Variants in EFHC2 observed in about 807,000 individuals in gnomAD.
EFHC2 encodes the protein EF-hand domain containing 2.
In EFHC2, 18 loss-of-function variants were observed where a neutral mutation model predicts 52.7. The ratio of observed to expected loss-of-function variants is 0.34; its 90% CI spans 0.24 to 0.51. EFHC2 has a LOEUF of 0.51. Among genes scored for constraint, EFHC2 ranks in the 20% least tolerant of loss-of-function variants. The pLI, the probability that EFHC2 is intolerant of heterozygous loss-of-function variation, is 0.97. For synonymous variants in EFHC2, 203 were observed against 204.1 expected, an observed-to-expected ratio of 0.99 and a Z score of 0.04; for missense variants, 513 against 562.5, an observed-to-expected ratio of 0.91 and a Z score of 0.89.
At chrX:44,305,581 C>T (rs769634687) in intron 2 of EFHC2, among the ~76,000 whole-genome samples, 3 of 112,443 alleles carry the variant, frequency 2.7e-5, no homozygotes, top group Non-Finnish European at 5.6e-5. Context: ...AATGTTGCAC[C>T]GAAGGCAAGT....
At chrX:44,307,456 A>C (rs2037914084) in intron 2 of EFHC2, among the ~76,000 whole-genome samples, 1 of 111,760 alleles carries the variant, frequency 8.9e-6, no homozygotes, top group Non-Finnish European at 1.9e-5. Flanking sequence ...AAAATGTATT[A>C]TATTACAGAG....
intron 11 of EFHC2, among the ~76,000 whole-genome samples, chrX:44,192,094 GTA>G (rs2036926522): frequency 9.3e-6 from 1 of 107,599 alleles, no homozygotes; most frequent in African/African-American, 3.5e-5. Flanking sequence ...GTGTGTGTGT[GTA>G]TAAAACCTGT....
intron 3 of EFHC2, among the ~76,000 whole-genome samples, chrX:44,268,794 A>G (rs893952410): frequency 8.9e-6 from 1 of 112,077 alleles, no homozygotes; most frequent in Admixed American, 9.5e-5. Context: ...AAACTGCCTT[A>G]TATGTTTTAA....
intron 1 of EFHC2, among the ~76,000 whole-genome samples, 198 bp from the exon 2 acceptor site, chrX:44,312,954 A>C (rs1251034063): frequency 3.6e-5 from 4 of 111,674 alleles, no homozygotes; most frequent in African/African-American, 1.3e-4. Context: ...TAATCAATTC[A>C]AAACATTGAA....
At chrX:44,254,986 A>G (rs148798426) in intron 4 of EFHC2, among the ~76,000 whole-genome samples, 2,804 of 111,948 alleles carry the variant, frequency 0.025, 94 homozygotes, top group African/African-American at 0.088. Flanking sequence ...CTTAAAGAAA[A>G]GAATTTTCAA....
intron 1 of EFHC2, among the ~76,000 whole-genome samples, chrX:44,343,090 T>C (rs1283922903): frequency 9.0e-6 from 1 of 110,524 alleles, no homozygotes; most frequent in Non-Finnish European, 1.9e-5. Flanking sequence ...GGGATAATGA[T>C]TAGGCTCCTG....
rs148325113 is a variant in EFHC2, at chrX:44,245,888, C to T, written c.1111+2384G>A. Among the ~76,000 whole-genome samples the T allele has an allele frequency of 1.3e-3, 141 of 111,603 alleles. 1 individual carries two copies. The highest frequency in any genetic ancestry group is 4.3e-3 in the African/African-American group (132 of 30,683). On this transcript the variant is annotated intron_variant, in intron 7 of 14. Coordinates refer to ENST00000420999, the MANE Select transcript of EFHC2 (RefSeq NM_025184.4). ...AGAAGGTACTAAAGCACCAAGGCGGCGTACTGCGTTAGAAATCTCCCGTGA... is the reference window on the plus strand; with the variant it reads ...AGAAGGTACTAAAGCACCAAGGCGGTGTACTGCGTTAGAAATCTCCCGTGA...
At chrX:44,235,542 A>C (rs777999354) in intron 8 of EFHC2, 95 bp from the exon 9 acceptor site, 87 of 866,468 alleles carry the variant, frequency 1.0e-4, no homozygotes, top group Non-Finnish European at 1.3e-4. Flanking sequence ...TATGGCTTTA[A>C]TATAGTAGGC....
At chrX:44,318,912 A>C (rs758028801) in intron 1 of EFHC2, among the ~76,000 whole-genome samples, 1 of 111,165 alleles carries the variant, frequency 9.0e-6, no homozygotes, top group South Asian at 3.9e-4. Context: ...CCCGAGGGAC[A>C]CAGGGACAAT....
intron 1 of EFHC2, among the ~76,000 whole-genome samples, chrX:44,315,211 C>A (rs1455541979): frequency 2.7e-5 from 3 of 111,109 alleles, no homozygotes; most frequent in Non-Finnish European, 5.7e-5. Flanking sequence ...TGCCTTCCAC[C>A]ATGATTGGAA....
chrX:44,232,784 C>A, intron 9 of EFHC2, 107 bp from the exon 10 acceptor site: 1 of 671,568 alleles, frequency 1.5e-6, no homozygotes, highest in Non-Finnish European at 2.1e-6. Context: ...TATAAGTTAC[C>A]TGTGAACTCA....
At chrX:44,177,634 TAAG>T (rs1404847433) in intron 12 of EFHC2, among the ~76,000 whole-genome samples, 1 of 112,226 alleles carries the variant, frequency 8.9e-6, no homozygotes, top group Non-Finnish European at 1.9e-5. Flanking sequence ...AATCAATGTA[TAAG>T]AAATAGCTTA....
chrX:44,311,486 C>A (rs996463951), intron 2 of EFHC2, among the ~76,000 whole-genome samples: 36 of 112,040 alleles, frequency 3.2e-4, no homozygotes, highest in African/African-American at 1.2e-3. Context: ...ATTACAGGAT[C>A]TAAAATAATC....
chrX:44,219,962 G>A (rs775561170), intron 11 of EFHC2, among the ~76,000 whole-genome samples: 2 of 111,426 alleles, frequency 1.8e-5, no homozygotes, highest in Non-Finnish European at 3.8e-5. Flanking sequence ...CTGAAAAACT[G>A]TTCCATAAGC....
In EFHC2 at chrX:44,255,249, A is replaced by G. The variant is rs150882633; in HGVS notation, c.607-4804T>C. ...AAAATAATCAGCTAGCATCATAATG[A>G]CAGGATCAAATTCACACATAACAAT... On this transcript the variant is annotated intron_variant, in intron 4 of 14. Transcript: ENST00000420999. Among the ~76,000 whole-genome samples the G allele has an allele frequency of 8.0e-3, 892 of 112,009 alleles. 16 individuals carry two copies. The highest frequency in any genetic ancestry group is 0.026 in the African/African-American group (796 of 30,804).
Position 44,237,136 on chromosome X carries a change from T to C in EFHC2, c.1281-1689A>G, listed in dbSNP as rs890884433. On this transcript the variant is annotated intron_variant, in intron 8 of 14. Coordinates refer to ENST00000420999, the MANE Select transcript of EFHC2 (RefSeq NM_025184.4). ...TATATATAAAAGTCACCTGGGGAGC[T>C]TGTTAAATATATAGAATCCAGAGTC... 2.7e-5 allele frequency among the ~76,000 whole-genome samples: 3 copies of C among 110,468 alleles called. No individual in the cohort carries two copies. The Admixed American group carries it at 2.9e-4, about 11-fold the overall frequency.
rs375322756 is a variant in EFHC2, at chrX:44,249,825, C to T, written c.858+369G>A. On this transcript the variant is annotated intron_variant, in intron 5 of 14. Transcript: ENST00000420999. The stretch of plus-strand genomic sequence containing the variant: ...ATAAGTGTGTGTTTGTATTCACAAC[C>T]CAGACCAAACCATGGGCTCTCTTCA... Among the ~76,000 whole-genome samples the T allele has an allele frequency of 4.2e-4, 47 of 112,142 alleles. 3 individuals carry two copies. Among genetic ancestry groups the T allele is most frequent in the Admixed American group, 2.4e-3 (26 of 10,656 alleles).
chrX:44,301,779 T>A (rs893587330), intron 2 of EFHC2, among the ~76,000 whole-genome samples: 14 of 112,064 alleles, frequency 1.2e-4, no homozygotes, highest in Admixed American at 1.1e-3. Flanking sequence ...TAATAGGAAG[T>A]CTTCTGTGTC....
intron 14 of EFHC2, 114 bp from the exon 15 acceptor site, chrX:44,149,010 A>C: frequency 1.6e-6 from 1 of 613,356 alleles, no homozygotes; most frequent in South Asian, 2.9e-5. Flanking sequence ...CTTTAGGTTC[A>C]TAAGGACTTT....
Sources: gnomAD v4.1 joint callset for allele counts (sites outside exome capture counted in the v4.1 genomes callset) on GRCh38, gnomAD v4.1.1 for gene constraint, MANE v1.5 for transcripts, NCBI Gene and HGNC (gene_info 2026-07-23, HGNC 2026-07-21) for gene names.